The following FRMD1 variants were observed in gnomAD, a reference collection of about 807,000 sequenced individuals.
FRMD1 encodes FERM domain-containing protein 1.
FRMD1 carries 51 observed loss-of-function variants against 54.9 expected under a neutral mutation model. That is an observed-to-expected ratio of 0.93 (90% CI 0.74 to 1.17). The LOEUF (loss-of-function observed/expected upper bound fraction) is 1.17. Ranked by LOEUF, FRMD1 falls within the 50% of genes most tolerant of loss-of-function variation. The pLI is 0.00. For synonymous variants in FRMD1, 324 were observed against 306.4 expected (o/e 1.06, Z -0.60); for missense variants, 729 against 743.0 (o/e 0.98, Z 0.22).
rs6455481 is a variant in FRMD1 at position 168,087,569 on chromosome 6, G to T, written c.-11-8545C>A. Among the ~76,000 whole-genome samples the T allele has an allele frequency of 2.0e-5, 3 of 152,158 alleles. No individual in the cohort carries two copies. The East Asian group carries it at 5.8e-4, about 30-fold the overall frequency. The stretch of plus-strand genomic sequence containing the variant: ...AGAACGCAGGCTGCTGTCCAGGTGA[G>T]GGTGCAGTGGCCCTCCTCCCACCAC... On this transcript the variant is annotated intron_variant, in intron 1 of 12. Transcript: ENST00000644440.
At chr6:168,084,852 G>A (rs1219320520), upstream of FRMD1, among the ~76,000 whole-genome samples, 1 of 152,212 alleles carries the variant, frequency 6.6e-6, no homozygotes, top group Non-Finnish European at 1.5e-5. Context: ...CCATCACAGG[G>A]AGAGAGCAAG....
rs147612406 is a variant in FRMD1, at chr6:168,059,234, G to C, written c.1343-46C>G. 23,362 of 1,505,942 alleles carry C rather than the reference G, an allele frequency of 0.016. 233 individuals are homozygous for C. Among genetic ancestry groups the C allele is most frequent in the Non-Finnish European group, 0.018 (19,903 of 1,112,798 alleles). 93.3% of individuals were successfully genotyped at this position (1,505,942 alleles called of 1,614,324 possible). ...GAGCACAGGTGTCTGGGTTCTGCCCGACATGGCTCCTCCCCAGGGCAGTTC... is the reference window on the plus strand; with the variant it reads ...GAGCACAGGTGTCTGGGTTCTGCCCCACATGGCTCCTCCCCAGGGCAGTTC... On this transcript the variant is annotated intron_variant, in intron 9 of 10. Transcript: ENST00000283309. The surrounding 1 kb of genome is among the most constrained non-coding windows in gnomAD (Gnocchi z 4.4).
chr6:168,078,928 A>G lies in FRMD1; in HGVS notation c.167T>C (p.Val56Ala). 5.6e-6 allele frequency: 9 copies of G among 1,607,060 alleles called. No individual in the cohort carries two copies. Among genetic ancestry groups the G allele is most frequent in the Non-Finnish European group, 6.8e-6 (8 of 1,179,178 alleles). The change falls in exon 1 of 11, where the codon GTC becomes GCC. Residue 56 changes from valine (V) to alanine (A), a missense_variant. Coordinates refer to ENST00000283309, the MANE Select transcript of FRMD1 (RefSeq NM_024919.6). ...MDAMASEHRDVLVLLPSREQL... is the reference protein window; with the variant it reads ...MDAMASEHRDALVLLPSREQL... ...CTCCCGGCTGGGCAGCAGCACGAGG[A>G]CATCCCTGTGTTCCGAGGCCATCGC...
chr6:168,075,794 C>T, intron 1 of FRMD1: 2 of 1,550,508 alleles, frequency 1.3e-6, no homozygotes, highest in South Asian at 2.4e-5. Flanking sequence ...ACAGCTGAGC[C>T]TCTCACGGCA....
intron 2 of FRMD1, among the ~76,000 whole-genome samples, chr6:168,074,059 C>T (rs1436174473): frequency 6.6e-6 from 1 of 152,094 alleles, no homozygotes; most frequent in East Asian, 1.9e-4. Context: ...AACCTCAAGC[C>T]CCCACTATAG....
chr6:168,065,203 G>T (rs993774478), intron 4 of FRMD1, 146 bp from the exon 5 acceptor site: 22 of 1,422,270 alleles, frequency 1.5e-5, no homozygotes, highest in Non-Finnish European at 1.9e-5. Context: ...ACCCACAGCT[G>T]TGTCCCTGCA....
chr6:168,077,104 C>T (rs1800629948), intron 1 of FRMD1, among the ~76,000 whole-genome samples: 1 of 152,044 alleles, frequency 6.6e-6, no homozygotes. Flanking sequence ...CAGAGGGTTG[C>T]TGTCCTACTG....
intron 7 of FRMD1, chr6:168,062,665 A>G: frequency 6.5e-7 from 1 of 1,550,258 alleles, no homozygotes; most frequent in Admixed American, 2.0e-5. Context: ...CCCCCCAGAC[A>G]CCCACCAGAA....
intron 1 of FRMD1, among the ~76,000 whole-genome samples, chr6:168,089,696 G>A (rs955468093): frequency 3.9e-5 from 6 of 152,222 alleles, no homozygotes; most frequent in Admixed American, 3.9e-4. Flanking sequence ...AAGTTCCTGA[G>A]GGCCGCCCAG....
At chr6:168,081,455 G>T, upstream of FRMD1, 3 of 1,535,544 alleles carry the variant, frequency 2.0e-6, no homozygotes, top group Non-Finnish European at 2.6e-6. Flanking sequence ...AGGAAGAGGA[G>T]ACCACCGCCC....
At chr6:168,068,809 G>T (rs1295603434) in intron 2 of FRMD1, among the ~76,000 whole-genome samples, 2 of 152,218 alleles carry the variant, frequency 1.3e-5, no homozygotes, top group African/African-American at 2.4e-5. Flanking sequence ...CCAAGTGCTA[G>T]CACATCTGCA....
At chr6:168,072,897 C>T (rs946809898) in intron 2 of FRMD1, among the ~76,000 whole-genome samples, 1 of 152,174 alleles carries the variant, frequency 6.6e-6, no homozygotes, top group Non-Finnish European at 1.5e-5. Flanking sequence ...GTCAACATCC[C>T]GCCCTCCCCT....
At chr6:168,075,753 A>T (rs1314987286) in intron 1 of FRMD1, 2 of 1,549,898 alleles carry the variant, frequency 1.3e-6, no homozygotes, top group South Asian at 2.4e-5. Context: ...TCCATCGCCC[A>T]ACTGATGCGA....
chr6:168,084,106 T>C (rs749861964), upstream of FRMD1, among the ~76,000 whole-genome samples: 3 of 152,042 alleles, frequency 2.0e-5, no homozygotes, highest in African/African-American at 7.2e-5. Flanking sequence ...GGTGTCTTCT[T>C]GGGAGAAGAC....
chr6:168,089,236 T>G (rs1289450076), intron 1 of FRMD1, among the ~76,000 whole-genome samples: 1 of 152,180 alleles, frequency 6.6e-6, no homozygotes, highest in African/African-American at 2.4e-5. Context: ...CCCTCAGCTG[T>G]ATAGGGAGAT....
At position 168,090,129 on chromosome 6, in the gene FRMD1, C is replaced by T. The variant is rs567724646; in HGVS notation, c.-11-11105G>A. Among the ~76,000 whole-genome samples, 12 of 152,278 alleles carry T rather than the reference C, an allele frequency of 7.9e-5. No homozygotes were observed. The South Asian group carries it at 1.7e-3, about 21-fold the overall frequency. On this transcript the variant is annotated intron_variant, in intron 1 of 12. Coordinates refer to the FRMD1 transcript ENST00000644440. ...CCATCTGACCCCGTTCCCACCTCCA[C>T]GTCCACCACTGGGACCCACCCCTGG...
intron 1 of FRMD1, among the ~76,000 whole-genome samples, chr6:168,078,522 A>C: frequency 7.1e-6 from 1 of 140,448 alleles, no homozygotes; most frequent in African/African-American, 2.7e-5. Flanking sequence ...CTCACCCCAT[A>C]CCCCTGCTCA....
upstream of FRMD1, among the ~76,000 whole-genome samples, chr6:168,080,834 CGGGCGCTGGTGTGTGT>C (rs1562432807): frequency 1.3e-5 from 2 of 150,022 alleles, no homozygotes; most frequent in Non-Finnish European, 3.0e-5. Context: ...CTGGTTTGTG[CGGGCGCTGGTGTGTGT>C]GGGCGCTGGT....
chr6:168,060,689 G>C, intron 9 of FRMD1, 72 bp downstream of exon 9: 2 of 1,495,014 alleles, frequency 1.3e-6, no homozygotes, highest in South Asian at 1.3e-5. Flanking sequence ...TCGGTGTCCA[G>C]GGTCAGCCAA....
Sources: allele counts gnomAD v4.1 joint callset (sites outside exome capture counted in the v4.1 genomes callset), GRCh38; gene constraint gnomAD v4.1.1; non-coding constraint Gnocchi (gnomAD v3.1); transcripts MANE v1.5; gene names NCBI Gene and HGNC (gene_info 2026-07-23, HGNC 2026-07-21).